The following ZCWPW1 variants were observed in gnomAD, a reference collection of about 807,000 sequenced individuals.
ZCWPW1 encodes the protein zinc finger CW-type PWWP domain protein 1.
A neutral mutation model predicts 81.3 loss-of-function variants in ZCWPW1; 56 were observed. That is an observed-to-expected ratio of 0.69 (90% CI 0.56 to 0.86). The LOEUF is 0.86. ZCWPW1 is among the 40% of genes least tolerant of loss of function. ZCWPW1 has a pLI of 0.00. For missense variants in ZCWPW1, 650 were observed against 769.8 expected (o/e 0.84, Z 1.84); for synonymous variants, 250 against 273.7 (o/e 0.91, Z 0.86).
In ZCWPW1 at chr7:100,402,463, C is replaced by A. The variant is rs558283367; in HGVS notation, c.1474+53G>T. 12 of 1,596,706 alleles carry A rather than the reference C, an allele frequency of 7.5e-6. No homozygotes were observed. The South Asian group carries it at 1.2e-4, about 16-fold the overall frequency. On this transcript the variant is annotated intron_variant, in intron 16 of 17. Coordinates refer to ENST00000684423, the MANE Select transcript of ZCWPW1 (RefSeq NM_001386010.1). ...AGCTACCTGCAGACTCCCTCTCTACCACTTCCCTGCCTTAACTGTGGGTTG... is the reference window on the plus strand; with the variant it reads ...AGCTACCTGCAGACTCCCTCTCTACAACTTCCCTGCCTTAACTGTGGGTTG...
At chr7:100,408,729 G>A in intron 9 of ZCWPW1, 70 bp from the exon 10 acceptor site, 1 of 1,555,896 alleles carries the variant, frequency 6.4e-7, no homozygotes, top group South Asian at 1.2e-5. Context: ...ATGAGAGCTG[G>A]GGAGAGAACA....
intron 1 of ZCWPW1, among the ~76,000 whole-genome samples, chr7:100,427,570 G>A (rs1055530593): frequency 6.6e-6 from 1 of 151,856 alleles, no homozygotes; most frequent in African/African-American, 2.4e-5. Context: ...ACAGTGGCGG[G>A]CGCCTGTAGT....
intron 1 of ZCWPW1, among the ~76,000 whole-genome samples, chr7:100,426,121 T>A (rs1797273436): frequency 6.6e-6 from 1 of 152,194 alleles, no homozygotes; most frequent in Non-Finnish European, 1.5e-5. Context: ...GTTCCTCAAA[T>A]CCTTGGTCTA....
At chr7:100,419,955 G>T in intron 3 of ZCWPW1, 72 bp from the exon 4 acceptor site, 1 of 1,256,764 alleles carries the variant, frequency 8.0e-7, no homozygotes, top group South Asian at 1.5e-5. Context: ...ATTACCCTTT[G>T]ACTAGCCATA....
At position 100,416,312 on chromosome 7, in the gene ZCWPW1, C is replaced by T; in HGVS notation, c.624G>A (p.Lys208=). 1 of 1,613,918 alleles carries T rather than the reference C, an allele frequency of 6.2e-7. No individual in the cohort carries two copies. The highest frequency in any genetic ancestry group is 1.7e-5 in the Admixed American group (1 of 59,984). The change falls in exon 7 of 18, where the codon AAG becomes AAA. Residue 208 remains lysine, a synonymous_variant. Transcript: ENST00000684423. Reference sequence around the variant, plus strand: ...ATATCTGACTGTACTTACGAGCTTCCTTCTTTCTTTTGCTTAAGGTGAGTC... The same window carrying T: ...ATATCTGACTGTACTTACGAGCTTCTTTCTTTCTTTTGCTTAAGGTGAGTC... ...SNRLTLSKRK[K]EAQDEKVEKT...
chr7:100,406,263 G>A (rs1449896079), intron 12 of ZCWPW1, among the ~76,000 whole-genome samples: 3 of 152,178 alleles, frequency 2.0e-5, no homozygotes, highest in Non-Finnish European at 2.9e-5. Flanking sequence ...CATGGGCAGG[G>A]TGGAGGTGGG....
In ZCWPW1 at chr7:100,409,518, AACACTGGACCCAGACCAG is replaced by A; in HGVS notation, c.763_780del (p.Leu255_Cys260del). 6.2e-7 allele frequency: 1 copy of A among 1,614,126 alleles called. No homozygotes were observed. Among genetic ancestry groups the A allele is most frequent in the Non-Finnish European group, 8.5e-7 (1 of 1,179,964 alleles). ...CTCCATTTCCCACAGTTTGGGAAGG[AACACTGGACCCAGACCAG>A]ACATTGACCTGTGAGAGGAAAAAAA... On this transcript the variant is annotated inframe_deletion, in exon 9 of 18. Coordinates refer to ENST00000684423, the MANE Select transcript of ZCWPW1 (RefSeq NM_001386010.1).
At chr7:100,402,330 T>C (rs1341157130) in intron 16 of ZCWPW1, 186 bp downstream of exon 16, 2 of 864,236 alleles carry the variant, frequency 2.3e-6, no homozygotes, top group East Asian at 2.4e-5. Context: ...TCACCTCAGA[T>C]TTTATAATTC....
chr7:100,409,390 A>C (rs374561709), intron 9 of ZCWPW1, 38 bp downstream of exon 9: 38 of 1,491,246 alleles, frequency 2.5e-5, no homozygotes, highest in Non-Finnish European at 3.2e-5. Flanking sequence ...AGGGAGGAAC[A>C]ATAAAACATG....
Position 100,419,675 on chromosome 7 carries a change from T to C in ZCWPW1, c.237A>G (p.Lys79=), listed in dbSNP as rs1343131859. 7 of 1,612,808 alleles carry C rather than the reference T, an allele frequency of 4.3e-6. No individual in the cohort carries two copies. Among genetic ancestry groups the C allele is most frequent in the Non-Finnish European group, 5.9e-6 (7 of 1,179,768 alleles). The change falls in exon 4 of 18, where the codon AAA becomes AAG. Residue 79 remains lysine (K), a synonymous_variant. Transcript: ENST00000684423. ...MKNVPSREQE[K]KRKAQINKQA... is the part of the protein sequence containing the mutation. Reference sequence around the variant, plus strand: ...GCTTGTTGATTTGTGCCTTTCTTTTTTTCTCCTGTTCCCTGCTTGGAACAT... The same window carrying C: ...GCTTGTTGATTTGTGCCTTTCTTTTCTTCTCCTGTTCCCTGCTTGGAACAT...
intron 10 of ZCWPW1, among the ~76,000 whole-genome samples, chr7:100,408,243 G>A (rs549446363): frequency 3.9e-5 from 6 of 152,212 alleles, no homozygotes; most frequent in African/African-American, 1.4e-4. Flanking sequence ...GAGCCACTGC[G>A]CCTGGCCAAT....
intron 10 of ZCWPW1, 34 bp downstream of exon 10, chr7:100,408,505 T>C (rs1345381042): frequency 2.5e-6 from 4 of 1,602,804 alleles, no homozygotes; most frequent in Admixed American, 1.7e-5. Context: ...CCCAAGTTTG[T>C]GAAGGATGCT....
At chr7:100,406,593 G>A (rs1428461127) in intron 12 of ZCWPW1, 101 bp downstream of exon 12, 18 of 1,125,494 alleles carry the variant, frequency 1.6e-5, no homozygotes, top group Non-Finnish European at 2.2e-5. Flanking sequence ...GTCAGACACA[G>A]AACTTTCTCC....
chr7:100,410,164 C>T (rs1333513298), intron 8 of ZCWPW1, among the ~76,000 whole-genome samples: 1 of 152,188 alleles, frequency 6.6e-6, no homozygotes, highest in Non-Finnish European at 1.5e-5. Context: ...ACCTTCCAGA[C>T]CCCCACCTCT....
intron 2 of ZCWPW1, 37 bp from the exon 3 acceptor site, chr7:100,420,715 T>G: frequency 1.3e-6 from 2 of 1,591,042 alleles, no homozygotes; most frequent in Admixed American, 3.4e-5. Context: ...ATGACTCTGA[T>G]TAAACAAGAT....
chr7:100,425,960 C>G (rs951897300), intron 1 of ZCWPW1, among the ~76,000 whole-genome samples: 1 of 152,018 alleles, frequency 6.6e-6, no homozygotes, highest in Non-Finnish European at 1.5e-5. Flanking sequence ...GTTCTCAAAC[C>G]AAAAAGTTTG....
intron 1 of ZCWPW1, among the ~76,000 whole-genome samples, chr7:100,426,392 T>C (rs2088827159): frequency 1.4e-5 from 2 of 147,254 alleles, no homozygotes; most frequent in South Asian, 4.2e-4. Context: ...CTTGGGAGGC[T>C]GAAGCAGGAG....
At chr7:100,417,775 G>A (rs915313980) in intron 5 of ZCWPW1, among the ~76,000 whole-genome samples, 1 of 152,014 alleles carries the variant, frequency 6.6e-6, no homozygotes, top group African/African-American at 2.4e-5. Context: ...AAACGCCTAG[G>A]AATAGAAGTA....
chr7:100,417,600 C>T (rs183650453), intron 5 of ZCWPW1, among the ~76,000 whole-genome samples: 5 of 151,942 alleles, frequency 3.3e-5, no homozygotes, highest in Non-Finnish European at 5.9e-5. Context: ...CACCTGTAGT[C>T]CCAGCTTCTC....
Sources: allele counts gnomAD v4.1 joint callset (sites outside exome capture counted in the v4.1 genomes callset), GRCh38; gene constraint gnomAD v4.1.1; transcripts MANE v1.5; gene names NCBI Gene and HGNC (gene_info 2026-07-23, HGNC 2026-07-21).